Variants in GPHN observed in about 807,000 individuals in gnomAD.
GPHN encodes the protein gephyrin.
Under a neutral mutation model 95.5 loss-of-function variants are expected in GPHN, and 17 were observed. The observed-to-expected ratio is 0.18, with a 90% CI of 0.12 to 0.27. The LOEUF (loss-of-function observed/expected upper bound fraction) is 0.27. Ranked by LOEUF, GPHN falls within the 10% of genes least tolerant of loss-of-function variation. GPHN has a pLI of 1.00. For missense variants in GPHN, 660 were observed against 978.1 expected (o/e 0.67, Z 4.34); for synonymous variants, 320 against 322.5 (o/e 0.99, Z 0.08).
intron 1 of GPHN, among the ~76,000 whole-genome samples, chr14:66,626,970 A>T (rs2153328603): frequency 6.6e-6 from 1 of 152,006 alleles, no homozygotes; most frequent in South Asian, 2.1e-4. Context: ...CTTTATTGAG[A>T]TTTGCTTTAT....
chr14:67,168,649 A>T (rs561804368), intron 20 of GPHN, among the ~76,000 whole-genome samples: 1 of 152,328 alleles, frequency 6.6e-6, no homozygotes, highest in East Asian at 1.9e-4. Flanking sequence ...TAATAAGATT[A>T]GTAATGGCTT....
At chr14:67,066,466 T>G (rs2076061523) in intron 11 of GPHN, among the ~76,000 whole-genome samples, 1 of 152,202 alleles carries the variant, frequency 6.6e-6, no homozygotes, top group South Asian at 2.1e-4. Flanking sequence ...TGAAATTGAA[T>G]GCTGGCCTGC....
chr14:66,949,993 G>C (rs1287044016), intron 8 of GPHN, among the ~76,000 whole-genome samples: 1 of 57,814 alleles, frequency 1.7e-5, no homozygotes, highest in Admixed American at 1.9e-4. Flanking sequence ...TTTAGGACAG[G>C]AAAAAAAAAA....
At chr14:66,933,555 G>A (rs1160777997) in intron 8 of GPHN, among the ~76,000 whole-genome samples, 1 of 152,118 alleles carries the variant, frequency 6.6e-6, no homozygotes, top group Admixed American at 6.5e-5. Flanking sequence ...TTAAAATCTT[G>A]TATTTAGAGA....
At chr14:66,857,515 T>C (rs2153519317) in intron 4 of GPHN, among the ~76,000 whole-genome samples, 1 of 152,198 alleles carries the variant, frequency 6.6e-6, no homozygotes, top group South Asian at 2.1e-4. Context: ...CAATAGAACA[T>C]GTAAAGCATT....
At chr14:67,336,919 G>A in the GPHN span, among the ~76,000 whole-genome samples, 4 of 152,130 alleles carry the variant, frequency 2.6e-5, no homozygotes, top group Non-Finnish European at 5.9e-5. Context: ...AATACCCAAA[G>A]TTTGAAATAT....
the GPHN span, chr14:67,317,026 C>A: frequency 1.5e-6 from 1 of 680,556 alleles, no homozygotes; most frequent in South Asian, 2.0e-5. Context: ...AGAGGCAAAA[C>A]TGATTATCTC....
chr14:67,656,508 G>A, the GPHN span: 2 of 1,614,032 alleles, frequency 1.2e-6, no homozygotes. Flanking sequence ...GCAATCCGAT[G>A]AGAACGTTCA....
chr14:67,380,632 T>C, the GPHN span: 2 of 1,313,196 alleles, frequency 1.5e-6, no homozygotes, highest in Non-Finnish European at 2.1e-6. Context: ...CCTTGACCTT[T>C]TGTTATTTAT....
At chr14:67,289,021 C>G in the GPHN span, among the ~76,000 whole-genome samples, 1 of 138,562 alleles carries the variant, frequency 7.2e-6, no homozygotes, top group African/African-American at 2.7e-5. Flanking sequence ...GGCTAGAGTG[C>G]AGTGGCGTGA....
Position 66,880,047 on chromosome 14 carries a change from C to T in GPHN, c.389+14C>T, listed in dbSNP as rs753438956. 1 of 1,463,146 alleles carries T rather than the reference C, an allele frequency of 6.8e-7. No homozygotes were observed. Among genetic ancestry groups the T allele is most frequent in the Non-Finnish European group, 9.6e-7 (1 of 1,042,774 alleles). 90.6% of individuals were successfully genotyped at this position (1,463,146 alleles called of 1,614,324 possible). On this transcript the variant is annotated intron_variant, in intron 5 of 22. Transcript: ENST00000478722. ...CATGCTCTCTAGGTAAGAAAGTCAC[C>T]AACATGTTGCAAACCATTTGCTAGG... is the stretch of plus-strand genomic sequence containing the variant.
At chr14:66,849,937 C>T (rs2062507603) in intron 4 of GPHN, among the ~76,000 whole-genome samples, 1 of 152,084 alleles carries the variant, frequency 6.6e-6, no homozygotes, top group African/African-American at 2.4e-5. Context: ...CTCTTAACAA[C>T]ACAGATCAAG....
the GPHN span, chr14:67,397,994 C>T: frequency 4.3e-5 from 20 of 465,792 alleles, no homozygotes; most frequent in African/African-American, 3.2e-4. Flanking sequence ...TAGCAAAGAC[C>T]TTTGGCACTG....
At chr14:67,516,703 T>C in the GPHN span, among the ~76,000 whole-genome samples, 3 of 152,184 alleles carry the variant, frequency 2.0e-5, no homozygotes, top group Non-Finnish European at 1.5e-5. Flanking sequence ...TCAACAAAGG[T>C]GCCTCTCAAA....
intron 8 of GPHN, among the ~76,000 whole-genome samples, chr14:66,961,947 TAC>T (rs1159946347): frequency 1.0e-3 from 77 of 75,070 alleles, no homozygotes; most frequent in Non-Finnish European, 1.2e-3. Context: ...TATATATATA[TAC>T]ACATATCTCC....
the GPHN span, among the ~76,000 whole-genome samples, chr14:67,325,477 G>C: frequency 9.2e-5 from 14 of 152,224 alleles, no homozygotes; most frequent in African/African-American, 2.6e-4. Context: ...CAGAGTATTT[G>C]TTGTCCATAG....
chr14:66,830,096 G>A lies in GPHN; in HGVS notation c.294+5530G>A, dbSNP rs765716783. Among the ~76,000 whole-genome samples the A allele has an allele frequency of 5.9e-5, 9 of 152,072 alleles. No homozygotes were observed. In the South Asian group the frequency reaches 6.2e-4, roughly 10 times the overall value. On this transcript the variant is annotated intron_variant, in intron 4 of 22. Coordinates refer to ENST00000478722, the MANE Select transcript of GPHN (RefSeq NM_020806.5). ...GAGTTCAGAAGTTGTAAACAAGACC[G>A]CATAGCCTATAAAGCCTGACGTATT...
At chr14:67,305,939 G>C in the GPHN span, among the ~76,000 whole-genome samples, 494 of 152,300 alleles carry the variant, frequency 3.2e-3, 10 homozygotes, top group East Asian at 0.037. Context: ...GTGGGAGAAA[G>C]AGCAAAATGC....
chr14:67,195,856 G>T, the GPHN span, among the ~76,000 whole-genome samples: 1 of 151,894 alleles, frequency 6.6e-6, no homozygotes, highest in African/African-American at 2.4e-5. Flanking sequence ...CAATTCTCCT[G>T]CCTCAGCCTC....
Sources: gnomAD v4.1 joint callset for allele counts (sites outside exome capture counted in the v4.1 genomes callset) on GRCh38, gnomAD v4.1.1 for gene constraint, MANE v1.5 for transcripts, NCBI Gene and HGNC (gene_info 2026-07-23, HGNC 2026-07-21) for gene names.